CTNND2: variants seen among roughly 807,000 people sequenced by gnomAD.
CTNND2 encodes the protein catenin delta 2, also known as catenin delta-2.
A neutral mutation model predicts 144.4 loss-of-function variants in CTNND2; 22 were observed. That is an observed-to-expected ratio of 0.15 (90% CI 0.11 to 0.22). The LOEUF is 0.22. Ranked by LOEUF, CTNND2 falls within the 10% of genes least tolerant of loss-of-function variation. The probability of loss-of-function intolerance (pLI) is 1.00; values close to 1 mark genes in which losing one functional copy is unlikely to be tolerated. For missense variants in CTNND2, 1,353 were observed against 1,618.8 expected, an observed-to-expected ratio of 0.84 and a Z score of 2.82; for synonymous variants, 751 against 695.6, an observed-to-expected ratio of 1.08 and a Z score of -1.25.
chr5:11,517,956 T>C (rs1772335367), intron 3 of CTNND2, among the ~76,000 whole-genome samples: 1 of 152,174 alleles, frequency 6.6e-6, no homozygotes, highest in African/African-American at 2.4e-5. Flanking sequence ...TACGTTTATA[T>C]GTGGAATCTA....
At chr5:11,176,676 T>C (rs1210501264) in intron 11 of CTNND2, among the ~76,000 whole-genome samples, 1 of 152,142 alleles carries the variant, frequency 6.6e-6, no homozygotes, top group Admixed American at 6.6e-5. Context: ...TTATCCTAAC[T>C]TGCAATAATG....
chr5:11,605,782 C>A (rs1035583416), intron 2 of CTNND2, among the ~76,000 whole-genome samples: 4 of 151,970 alleles, frequency 2.6e-5, no homozygotes, highest in African/African-American at 9.7e-5. Flanking sequence ...GAAAAGTGTG[C>A]TAAAATACAG....
chr5:11,473,811 C>T (rs879885481), intron 3 of CTNND2, among the ~76,000 whole-genome samples: 1 of 152,226 alleles, frequency 6.6e-6, no homozygotes, highest in Non-Finnish European at 1.5e-5. Flanking sequence ...CCAAGAAGAG[C>T]TTCTGTAGGA....
In CTNND2 at chr5:11,327,655, C is replaced by T. The variant is rs567093512; in HGVS notation, c.1628+18717G>A. ...TTACAAGCAGATTTACAAGGTCAAA[C>T]AGGAGTAACATCATAACGTCATAGC... On this transcript the variant is annotated intron_variant, in intron 9 of 21. Transcript: ENST00000304623. 2.6e-5 allele frequency among the ~76,000 whole-genome samples: 4 copies of T among 152,274 alleles called. No homozygotes were observed. In the South Asian group the frequency reaches 8.3e-4, roughly 32 times the overall value.
At chr5:11,022,126 C>A (rs1459559707) in intron 17 of CTNND2, among the ~76,000 whole-genome samples, 1 of 152,114 alleles carries the variant, frequency 6.6e-6, no homozygotes, top group African/African-American at 2.4e-5. Context: ...CACGAAGGCC[C>A]TCCTTTCTCA....
chr5:11,152,210 C>T (rs1353369668), intron 12 of CTNND2, among the ~76,000 whole-genome samples: 1 of 152,158 alleles, frequency 6.6e-6, no homozygotes, highest in Non-Finnish European at 1.5e-5. Flanking sequence ...TAATGATGAC[C>T]TAAATGCATC....
At chr5:11,054,479 A>G (rs1192551483) in intron 16 of CTNND2, among the ~76,000 whole-genome samples, 1 of 152,156 alleles carries the variant, frequency 6.6e-6, no homozygotes, top group Admixed American at 6.5e-5. Flanking sequence ...GAGCAGTAAG[A>G]AGCACATTTC....
chr5:11,237,386 T>G (rs1431003443), intron 9 of CTNND2, among the ~76,000 whole-genome samples: 2 of 152,196 alleles, frequency 1.3e-5, no homozygotes, highest in Non-Finnish European at 2.9e-5. Flanking sequence ...TATATACAGA[T>G]CAATCTATCA....
chr5:11,353,436 GAAAAAGACTA>G (rs1476437567), intron 8 of CTNND2, among the ~76,000 whole-genome samples: 1 of 152,198 alleles, frequency 6.6e-6, no homozygotes, highest in East Asian at 1.9e-4. Flanking sequence ...AGAAATGCCA[GAAAAAGACTA>G]AAATTTAATG....
At chr5:11,673,083 G>A (rs1342549101) in intron 2 of CTNND2, among the ~76,000 whole-genome samples, 2 of 152,054 alleles carry the variant, frequency 1.3e-5, no homozygotes, top group Admixed American at 6.6e-5. Flanking sequence ...TACACGTAAG[G>A]CCAAATTTCT....
At chr5:11,669,694 C>T (rs1009806388) in intron 2 of CTNND2, among the ~76,000 whole-genome samples, 2 of 151,940 alleles carry the variant, frequency 1.3e-5, no homozygotes, top group Non-Finnish European at 2.9e-5. Context: ...TTTTAAAAAA[C>T]CAGCTGCTGG....
At chr5:11,726,579 T>C (rs1456774357) in intron 2 of CTNND2, among the ~76,000 whole-genome samples, 1 of 152,192 alleles carries the variant, frequency 6.6e-6, no homozygotes, top group African/African-American at 2.4e-5. Context: ...TAAAAATTAC[T>C]AAAACACCAC....
At chr5:11,216,620 T>C (rs1739228780) in intron 10 of CTNND2, among the ~76,000 whole-genome samples, 1 of 152,166 alleles carries the variant, frequency 6.6e-6, no homozygotes, top group Non-Finnish European at 1.5e-5. Flanking sequence ...GTGAGACCAA[T>C]TTTGCATTCT....
At chr5:11,723,817 G>T (rs984081312) in intron 2 of CTNND2, among the ~76,000 whole-genome samples, 2 of 152,108 alleles carry the variant, frequency 1.3e-5, no homozygotes, top group African/African-American at 2.4e-5. Context: ...AGCAGTTTGG[G>T]AGGCCGAGGT....
intron 9 of CTNND2, among the ~76,000 whole-genome samples, chr5:11,256,115 A>C (rs1744215451): frequency 6.6e-6 from 1 of 152,032 alleles, no homozygotes; most frequent in Admixed American, 6.6e-5. Flanking sequence ...GTAGTTCCCT[A>C]CTCATGCCAA....
chr5:11,121,617 CTATTTTTTA>C (rs1440588699), intron 12 of CTNND2, among the ~76,000 whole-genome samples: 4 of 152,056 alleles, frequency 2.6e-5, no homozygotes, highest in Admixed American at 6.6e-5. Flanking sequence ...AAAGACCAAT[CTATTTTTTA>C]TTTTAATGCA....
intron 12 of CTNND2, among the ~76,000 whole-genome samples, chr5:11,139,568 T>G (rs1756505147): frequency 6.6e-6 from 1 of 152,162 alleles, no homozygotes; most frequent in African/African-American, 2.4e-5. Context: ...ACAAATCCCA[T>G]TTTCTCTCTG....
At chr5:11,319,493 T>C (rs1019799344) in intron 9 of CTNND2, among the ~76,000 whole-genome samples, 2 of 152,162 alleles carry the variant, frequency 1.3e-5, no homozygotes, top group African/African-American at 2.4e-5. Flanking sequence ...CAGAAGTCTA[T>C]AGTGTCTTTA....
At chr5:11,383,911 G>A (rs2522037) in intron 7 of CTNND2, among the ~76,000 whole-genome samples, 42,480 of 152,086 alleles carry the variant, frequency 0.28, 6,864 homozygotes, top group East Asian at 0.53. Context: ...GGTCGCTGAC[G>A]GGCATAACGA....
Sources: allele counts gnomAD v4.1 joint callset (sites outside exome capture counted in the v4.1 genomes callset), GRCh38; gene constraint gnomAD v4.1.1; transcripts MANE v1.5; gene names NCBI Gene and HGNC (gene_info 2026-07-23, HGNC 2026-07-21).